The following SPTBN2 variants were observed in gnomAD, a reference collection of about 807,000 sequenced individuals.
The protein encoded by SPTBN2 is spectrin beta chain, non-erythrocytic 2.
In SPTBN2, 107 loss-of-function variants were observed where a neutral mutation model predicts 284.2. The observed-to-expected ratio is 0.38, with a 90% CI of 0.32 to 0.44. SPTBN2 has a LOEUF of 0.44. Among genes scored for constraint, SPTBN2 ranks in the 20% least tolerant of loss-of-function variants. The pLI, the probability that SPTBN2 is intolerant of heterozygous loss-of-function variation, is 1.00. For missense variants in SPTBN2, 2,569 were observed against 3,287.1 expected (o/e 0.78, Z 5.34); for synonymous variants, 1,289 against 1,354.8 (o/e 0.95, Z 1.07).
chr11:66,713,773 A>C (rs753188671), intron 7 of SPTBN2, 27 bp from the exon 8 acceptor site: 1 of 1,516,420 alleles, frequency 6.6e-7, no homozygotes, highest in South Asian at 1.1e-5. Context: ...GACAGAAGGG[A>C]TCAGAAACAT....
rs35463342 is a variant in SPTBN2 at position 66,707,735 on chromosome 11, G to A, written c.1434C>T (p.Ser478=). The change falls in exon 13 of 38, where the codon AGC becomes AGT. Residue 478 remains serine (S), a synonymous_variant. Coordinates refer to ENST00000533211, the MANE Select transcript of SPTBN2 (RefSeq NM_006946.4). This position sits in a 1 kb window ranked among gnomAD's most constrained non-coding sequence, Gnocchi z 4.9. ...CGGCGTCCACTGCCTGCACCCGGCC[G>A]CTGTAGGCCACGATGTCCGTCTCAA... ...EAIETDIVAY[S]GRVQAVDAVA... 2.9e-4 allele frequency: 466 copies of A among 1,606,046 alleles called. 2 individuals are homozygous for A. The African/African-American group carries it at 5.2e-3, about 18-fold the overall frequency.
In SPTBN2 at chr11:66,684,178, G is replaced by T. The variant is rs894317400; in HGVS notation, c.*1693C>A. ...TTCCTGGAAAAACGGTTGTCTGTGT[G>T]TATAGGAAACAATGAAAGAACACGC... On this transcript the variant is annotated 3_prime_UTR_variant, in exon 38 of 38. Coordinates refer to ENST00000533211, the MANE Select transcript of SPTBN2 (RefSeq NM_006946.4). Among the ~76,000 whole-genome samples the T allele has an allele frequency of 8.5e-5, 13 of 152,324 alleles. No homozygotes were observed. Among genetic ancestry groups the T allele is most frequent in the African/African-American group, 7.2e-5 (3 of 41,572 alleles).
rs1414530502 is a variant in SPTBN2, at chr11:66,691,588, G to A, written c.5261C>T (p.Ala1754Val). The A allele has an allele frequency of 6.2e-7, 1 of 1,613,812 alleles. No individual in the cohort carries two copies. ...AATGAGCCCATTGGCCAGCGCATTG[G>A]CGCTATCTACGCGCTCCTGACCGAT... ...STIGQERVDS[A>V]NALANGLIAG... is the part of the protein sequence containing the mutation. Residue 1754 changes from alanine to valine, a missense_variant, in exon 27 of 38, where the codon GCC becomes GTC. Ala to Val is a moderately conservative substitution (Grantham distance 64, BLOSUM62 0). Around this residue, in one of 6 missense-constraint regions of SPTBN2, gnomAD observed 1,130 missense variants for 1,317.3 expected, o/e 0.86. Transcript: ENST00000533211. The surrounding 1 kb of genome is among the most constrained non-coding windows in gnomAD (Gnocchi z 8.0).
At chr11:66,699,988 C>T (rs1168054056) in intron 17 of SPTBN2, among the ~76,000 whole-genome samples, 1 of 151,558 alleles carries the variant, frequency 6.6e-6, no homozygotes, top group Non-Finnish European at 1.5e-5. Context: ...GAGAGGGTTT[C>T]ATTCTGTGGC....
chr11:66,692,675 C>G lies in SPTBN2; in HGVS notation c.5051G>C (p.Gly1684Ala), dbSNP rs781712272. The change falls in exon 26 of 38, where the codon GGA becomes GCA. Residue 1684 changes from glycine (G) to alanine (A), a missense_variant. Gly to Ala is a moderately conservative substitution (Grantham distance 60). Around this residue, in one of 6 missense-constraint regions of SPTBN2, gnomAD observed 1,130 missense variants for 1,317.3 expected, o/e 0.86. Coordinates refer to ENST00000533211, the MANE Select transcript of SPTBN2 (RefSeq NM_006946.4). Reference protein sequence around the residue: ...KLYAGLKELAGERRERLQEHL... With the variant: ...KLYAGLKELAAERRERLQEHL... ...CTCCTGCAGGCGCTCCCGCCGCTCT[C>G]CAGCCAGCTCCTTCAGGCCGGCATA... 1 of 1,605,430 alleles carries G rather than the reference C, an allele frequency of 6.2e-7. No individual in the cohort carries two copies. Among genetic ancestry groups the G allele is most frequent in the East Asian group, 2.2e-5 (1 of 44,858 alleles).
intron 21 of SPTBN2, among the ~76,000 whole-genome samples, chr11:66,695,484 T>C (rs1175187764): frequency 6.6e-6 from 1 of 152,040 alleles, no homozygotes; most frequent in Non-Finnish European, 1.5e-5. Context: ...GTCTCAAAAC[T>C]CCTGGACTCA....
chr11:66,735,103 C>T (rs926576665), intron 1 of SPTBN2, among the ~76,000 whole-genome samples: 1 of 152,146 alleles, frequency 6.6e-6, no homozygotes, highest in Non-Finnish European at 1.5e-5. Context: ...GAGGCTGAAG[C>T]AGGTGCATCA....
chr11:66,687,056 C>T lies in SPTBN2; in HGVS notation c.6834G>A (p.Leu2278=). ...VPYHGEVPVS[L]ARAQGSVAFD... is the part of the protein sequence containing the mutation. The stretch of plus-strand genomic sequence containing the variant: ...AGGCGACGCTGCCCTGGGCCCTGGC[C>T]AGGCTGACAGGCACTTCTCCGTGGT... Residue 2278 remains leucine, a synonymous_variant, in exon 36 of 38, where the codon CTG becomes CTA. Transcript: ENST00000533211. The surrounding 1 kb of genome is among the most constrained non-coding windows in gnomAD (Gnocchi z 5.2). The T allele has an allele frequency of 6.2e-7, 1 of 1,614,122 alleles. No homozygotes were observed. Among genetic ancestry groups the T allele is most frequent in the Non-Finnish European group, 8.5e-7 (1 of 1,180,044 alleles).
At chr11:66,727,355 G>A (rs1942655443) in intron 1 of SPTBN2, among the ~76,000 whole-genome samples, 1 of 152,226 alleles carries the variant, frequency 6.6e-6, no homozygotes. Context: ...CCGAGAGGGG[G>A]AGGGCAGACG....
Position 66,708,326 on chromosome 11 carries a change from A to T in SPTBN2, c.1192-27T>A, listed in dbSNP as rs768099344. The T allele has an allele frequency of 1.3e-6, 2 of 1,562,056 alleles. No homozygotes were observed. Among genetic ancestry groups the T allele is most frequent in the East Asian group, 4.5e-5 (2 of 43,998 alleles). On this transcript the variant is annotated intron_variant, in intron 11 of 37. Coordinates refer to ENST00000533211, the MANE Select transcript of SPTBN2 (RefSeq NM_006946.4). The surrounding 1 kb of genome is among the most constrained non-coding windows in gnomAD (Gnocchi z 4.4). The stretch of plus-strand genomic sequence containing the variant: ...TATGGGGTGGGGACAGGGTTAGTGG[A>T]AGGGACAGGGTGGGGAGGGCTCAGT...
At chr11:66,730,625 G>C (rs1419815257), upstream of SPTBN2, among the ~76,000 whole-genome samples, 2 of 151,928 alleles carry the variant, frequency 1.3e-5, no homozygotes, top group Non-Finnish European at 2.9e-5. Context: ...CCTGCCAAAG[G>C]AACTGGAACC....
At chr11:66,686,732 T>C (rs1315693388) in intron 36 of SPTBN2, 3 of 634,966 alleles carry the variant, frequency 4.7e-6, no homozygotes, top group Non-Finnish European at 8.2e-6. Context: ...CCCAGATCCC[T>C]ACCTTTGGAT....
intron 30 of SPTBN2, 25 bp from the exon 31 acceptor site, chr11:66,688,874 A>T (rs766148570): frequency 6.2e-7 from 1 of 1,600,724 alleles, no homozygotes; most frequent in Admixed American, 1.7e-5. Context: ...GGTTGCAGGA[A>T]GATGGTGGGT....
In SPTBN2 at chr11:66,685,985, C is replaced by A; in HGVS notation, c.7059G>T (p.Met2353Ile). The A allele has an allele frequency of 6.2e-7, 1 of 1,613,876 alleles. No homozygotes were observed. The highest frequency in any genetic ancestry group is 1.1e-5 in the South Asian group (1 of 91,062). Residue 2353 changes from methionine to isoleucine, a missense_variant, in exon 38 of 38, where the codon ATG becomes ATT. Coordinates refer to ENST00000533211, the MANE Select transcript of SPTBN2 (RefSeq NM_006946.4). The surrounding 1 kb of genome is among the most constrained non-coding windows in gnomAD (Gnocchi z 4.4). ...CGACGGGTGACACTGGGGGCATGGT[C>A]ATGGCCCGGGTCATGCCCCGGGTGG... ...PSTTRGMTRA[M>I]TMPPVSPVGA... is the part of the protein sequence containing the mutation.
chr11:66,715,510 CA>C lies in SPTBN2; in HGVS notation c.310-116del. The C allele has an allele frequency of 7.3e-7, 1 of 1,372,698 alleles. No individual in the cohort carries two copies. Among genetic ancestry groups the C allele is most frequent in the Non-Finnish European group, 9.9e-7 (1 of 1,011,946 alleles). The allele number at this position is 1,372,698 out of a possible 1,614,324, so 85.0% of individuals were successfully genotyped here. A position where few individuals can be genotyped will look rare whatever the true frequency, so the allele number is the denominator to read the frequency against. Reference sequence around the variant, plus strand: ...CCATGACCTACCTCAGGAACACAGACAGGCACAGCCCCAGGGCTGGAGCCAA... The same window carrying C: ...CCATGACCTACCTCAGGAACACAGACGGCACAGCCCCAGGGCTGGAGCCAA... On this transcript the variant is annotated intron_variant, in intron 4 of 37. Coordinates refer to ENST00000533211, the MANE Select transcript of SPTBN2 (RefSeq NM_006946.4). The surrounding 1 kb of genome is among the most constrained non-coding windows in gnomAD (Gnocchi z 5.3).
intron 8 of SPTBN2, among the ~76,000 whole-genome samples, chr11:66,711,582 A>T (rs1226402281): frequency 6.6e-6 from 1 of 152,104 alleles, no homozygotes; most frequent in Non-Finnish European, 1.5e-5. Flanking sequence ...GGGCCCAAGG[A>T]GGGGAGTGTC....
chr11:66,691,714 T>A lies in SPTBN2; in HGVS notation c.5191-56A>T. 6.2e-7 allele frequency: 1 copy of A among 1,609,816 alleles called. No homozygotes were observed. Among genetic ancestry groups the A allele is most frequent in the Non-Finnish European group, 8.5e-7 (1 of 1,179,834 alleles). On this transcript the variant is annotated intron_variant, in intron 26 of 37. Coordinates refer to ENST00000533211, the MANE Select transcript of SPTBN2 (RefSeq NM_006946.4). This position sits in a 1 kb window ranked among gnomAD's most constrained non-coding sequence, Gnocchi z 8.0. ...CCGTGATGTTAGGGGATGTGGTCCC[T>A]GCCTGATGGAGCGAGTCCTCCACTC...
At position 66,705,174 on chromosome 11, in the gene SPTBN2, A is replaced by C; in HGVS notation, c.2102T>G (p.Leu701Arg). ...GGCCACCAACTGCTGGCCCTGCTCC[A>C]GGGTGAGCTTCAGGGGCCCCAGCCG... Reference protein sequence around the residue: ...SGRLGPLKLTLEQGQQLVAEG... With the variant: ...SGRLGPLKLTREQGQQLVAEG... Residue 701 changes from leucine to arginine, a missense_variant, in exon 15 of 38, where the codon CTG becomes CGG. Leu to Arg is a moderately radical substitution (Grantham distance 102). Coordinates refer to ENST00000533211, the MANE Select transcript of SPTBN2 (RefSeq NM_006946.4). 1.3e-6 allele frequency: 2 copies of C among 1,535,518 alleles called. No homozygotes were observed. The highest frequency in any genetic ancestry group is 1.7e-6 in the Non-Finnish European group (2 of 1,142,968).
chr11:66,708,383 A>T lies in SPTBN2; in HGVS notation c.1192-84T>A, dbSNP rs980418268. On this transcript the variant is annotated intron_variant, in intron 11 of 37. Coordinates refer to ENST00000533211, the MANE Select transcript of SPTBN2 (RefSeq NM_006946.4). This position sits in a 1 kb window ranked among gnomAD's most constrained non-coding sequence, Gnocchi z 4.4. ...GGAGGCACATGGTAAGTCCCATGGA[A>T]GCTCGGTCTGGTGGATCCGTGGAAT... 7.3e-7 allele frequency: 1 copy of T among 1,369,736 alleles called. No homozygotes were observed. The highest frequency in any genetic ancestry group is 1.5e-5 in the African/African-American group (1 of 68,638). The allele number at this position is 1,369,736 out of a possible 1,614,324, so 84.8% of individuals were successfully genotyped here.
Sources: allele counts gnomAD v4.1 joint callset (sites outside exome capture counted in the v4.1 genomes callset), GRCh38; gene constraint gnomAD v4.1.1; regional missense constraint gnomAD v4.1.1; non-coding constraint Gnocchi (gnomAD v3.1); transcripts MANE v1.5; gene names NCBI Gene and HGNC (gene_info 2026-07-23, HGNC 2026-07-21).